Variants in GAK observed in about 807,000 individuals in gnomAD.
GAK encodes the protein cyclin-G-associated kinase.
A neutral mutation model predicts 143.9 loss-of-function variants in GAK; 79 were observed. The observed-to-expected ratio is 0.55, with a 90% CI of 0.46 to 0.66. The LOEUF (loss-of-function observed/expected upper bound fraction) is 0.66. Among genes scored for constraint, GAK ranks in the 30% least tolerant of loss-of-function variants. The probability of loss-of-function intolerance (pLI) is 0.00; values close to 1 mark genes in which losing one functional copy is unlikely to be tolerated. For synonymous variants in GAK, 881 were observed against 765.5 expected, an observed-to-expected ratio of 1.15 and a Z score of -2.49; for missense variants, 1,693 against 1,779.7, an observed-to-expected ratio of 0.95 and a Z score of 0.88.
intron 1 of GAK, among the ~76,000 whole-genome samples, chr4:931,231 C>G (rs1725686801): frequency 6.6e-6 from 1 of 152,210 alleles, no homozygotes; most frequent in Middle Eastern, 3.2e-3. Flanking sequence ...TGACTCAAGA[C>G]TGACTCAAGA....
chr4:867,945 A>G (rs1338848275), intron 20 of GAK, among the ~76,000 whole-genome samples: 2 of 152,316 alleles, frequency 1.3e-5, no homozygotes, highest in East Asian at 3.9e-4. Context: ...GGCTGAGTCA[A>G]GTGGGGGCCA....
At chr4:862,093 T>G (rs578018004) in intron 23 of GAK, among the ~76,000 whole-genome samples, 46 of 151,860 alleles carry the variant, frequency 3.0e-4, no homozygotes, top group African/African-American at 9.4e-4. Context: ...AGACTCTCCA[T>G]GCAGACGAGA....
At chr4:906,578 T>C (rs1421660158) in intron 4 of GAK, among the ~76,000 whole-genome samples, 2 of 152,154 alleles carry the variant, frequency 1.3e-5, no homozygotes, top group Non-Finnish European at 2.9e-5. Context: ...CCTACCCTGA[T>C]CTTACCCTGG....
chr4:850,912 AG>A (rs1560267790), intron 26 of GAK, 23 bp downstream of exon 26: 1 of 1,606,388 alleles, frequency 6.2e-7, no homozygotes, highest in South Asian at 1.1e-5. Flanking sequence ...CTGGGCTCCC[AG>A]GAAGAGCTGC....
intron 1 of GAK, among the ~76,000 whole-genome samples, chr4:918,851 CCAT>C (rs1723463350): frequency 7.7e-6 from 1 of 129,360 alleles, no homozygotes; most frequent in Non-Finnish European, 1.7e-5. Context: ...CCTCAGCACC[CCAT>C]GACCTTAGAA....
At chr4:889,984 A>G (rs906113591) in intron 10 of GAK, among the ~76,000 whole-genome samples, 2 of 151,958 alleles carry the variant, frequency 1.3e-5, no homozygotes, top group African/African-American at 4.8e-5. Flanking sequence ...ACCGCCCTCC[A>G]CTGTCCAATG....
At chr4:909,518 G>A (rs1394013878) in intron 4 of GAK, among the ~76,000 whole-genome samples, 3 of 152,178 alleles carry the variant, frequency 2.0e-5, no homozygotes, top group Non-Finnish European at 4.4e-5. Context: ...GGGAGGGGCC[G>A]GGAGCGGCGT....
Position 857,330 on chromosome 4 carries a change from C to T in GAK, c.3283+2276G>A, listed in dbSNP as rs189681050. ...GGTATCAGGGTGATAGTATGAGCTT[C>T]GTAAAATCAATTAGAAAGTGCTCCG... is the stretch of plus-strand genomic sequence containing the variant. On this transcript the variant is annotated intron_variant, in intron 24 of 27. Transcript: ENST00000314167. Among the ~76,000 whole-genome samples the T allele has an allele frequency of 2.7e-3, 413 of 152,260 alleles. 8 individuals carry two copies. Among genetic ancestry groups the T allele is most frequent in the Admixed American group, 0.026 (399 of 15,290 alleles).
chr4:868,356 T>C (rs1386985983), intron 20 of GAK, among the ~76,000 whole-genome samples, 183 bp downstream of exon 20: 3 of 152,140 alleles, frequency 2.0e-5, no homozygotes, highest in African/African-American at 7.2e-5. Context: ...TAAAAAGATA[T>C]GAAATCATTC....
At position 882,808 on chromosome 4, in the gene GAK, A is replaced by G. The variant is rs1192861565; in HGVS notation, c.1416T>C (p.Cys472=). ...GTGGGGCCCGCCGTGCTGCCCAGCC[A>G]CACTCGGAGACCTGTGGGGACAGGG... is the stretch of plus-strand genomic sequence containing the variant. ...PSRFHNRVSE[C]GWAARRAPHL... The change falls in exon 14 of 28, where the codon TGT becomes TGC. Residue 472 remains cysteine, a synonymous_variant. Transcript: ENST00000314167. The G allele has an allele frequency of 3.1e-6, 5 of 1,609,842 alleles. No homozygotes were observed. The highest frequency in any genetic ancestry group is 4.2e-6 in the Non-Finnish European group (5 of 1,179,854).
chr4:877,616 G>A lies in GAK; in HGVS notation c.1855C>T (p.Arg619Trp), dbSNP rs894810912. 8.9e-6 allele frequency: 14 copies of A among 1,578,522 alleles called. No homozygotes were observed. Among genetic ancestry groups the A allele is most frequent in the African/African-American group, 1.3e-5 (1 of 74,342 alleles). ...ASTSQEYDKM[R>W]DFKIEDGKAV... The stretch of plus-strand genomic sequence containing the variant: ...GCGTGGGGCTGCAGCTGCACTCACC[G>A]CATCTTGTCGTACTCCTGGGAGGTG... The change falls in exon 16 of 28, where the codon CGG (arginine) becomes TGG (tryptophan). Residue 619 changes from arginine (R) to tryptophan (W), a missense_variant and splice_region_variant. Physicochemically the swap from Arg to Trp is moderately radical, Grantham distance 101. Around this residue, in one of 2 missense-constraint regions of GAK, gnomAD observed 871 missense variants for 991.0 expected, o/e 0.88. Coordinates refer to ENST00000314167, the MANE Select transcript of GAK (RefSeq NM_005255.4).
intron 24 of GAK, among the ~76,000 whole-genome samples, chr4:855,610 C>T (rs1553863086): frequency 6.6e-6 from 1 of 152,138 alleles, no homozygotes; most frequent in Non-Finnish European, 1.5e-5. Flanking sequence ...CTGGGACTTC[C>T]GACAAGTACA....
chr4:889,066 C>A, intron 10 of GAK, 96 bp from the exon 11 acceptor site: 1 of 1,376,408 alleles, frequency 7.3e-7, no homozygotes, highest in Admixed American at 2.6e-5. Context: ...GCGCTCGGTC[C>A]CACCTCCCCA....
At chr4:913,243 C>G (rs969740103) in intron 2 of GAK, among the ~76,000 whole-genome samples, 2 of 152,224 alleles carry the variant, frequency 1.3e-5, no homozygotes, top group African/African-American at 4.8e-5. Flanking sequence ...CACAGTGACC[C>G]CTATTTACAG....
At position 868,673 on chromosome 4, in the gene GAK, A is replaced by G. The variant is rs1045904272; in HGVS notation, c.2261T>C (p.Leu754Pro). 4 of 1,551,500 alleles carry G rather than the reference A, an allele frequency of 2.6e-6. No homozygotes were observed. Among genetic ancestry groups the G allele is most frequent in the Non-Finnish European group, 3.5e-6 (4 of 1,147,838 alleles). The part of the protein sequence containing the change: ...DILSKFGKPE[L>P]PRQPGSTAQY... ...AGCCGTGGAGCCAGGCTGCCGGGGA[A>G]GCTCCGGCTTCCCTGCAGGAGAGGG... is the stretch of plus-strand genomic sequence containing the variant. Residue 754 changes from leucine (L) to proline (P), a missense_variant, in exon 20 of 28, where the codon CTT becomes CCT. By Grantham distance (98) the Leu-to-Pro change is moderately conservative. Transcript: ENST00000314167.
intron 24 of GAK, chr4:853,935 T>C: frequency 6.6e-6 from 1 of 152,292 alleles, no homozygotes; most frequent in Non-Finnish European, 1.5e-5. Context: ...GTAGCTGGGA[T>C]TACAGGCCTG....
chr4:873,920 C>A (rs1289905484), intron 18 of GAK, among the ~76,000 whole-genome samples: 1 of 152,202 alleles, frequency 6.6e-6, no homozygotes, highest in Non-Finnish European at 1.5e-5. Context: ...GGGCGTCGGT[C>A]TACCAGCTGG....
chr4:851,150 T>G (rs1748071688), intron 25 of GAK, 66 bp from the exon 26 acceptor site: 2 of 1,396,246 alleles, frequency 1.4e-6, no homozygotes, highest in Admixed American at 3.6e-5. Flanking sequence ...CAGGCCAGAG[T>G]GCAATGGCGT....
At chr4:903,646 C>A (rs375739271) in intron 5 of GAK, among the ~76,000 whole-genome samples, 4 of 147,942 alleles carry the variant, frequency 2.7e-5, no homozygotes, top group African/African-American at 1.0e-4. Flanking sequence ...CACCAGGGGA[C>A]TGAGGAAGGA....
Sources: gnomAD v4.1 joint callset for allele counts (sites outside exome capture counted in the v4.1 genomes callset) on GRCh38, gnomAD v4.1.1 for gene constraint, gnomAD v4.1.1 regional missense constraint, MANE v1.5 for transcripts, NCBI Gene and HGNC (gene_info 2026-07-23, HGNC 2026-07-21) for gene names.